The following ST7 variants were observed in gnomAD, a reference collection of about 807,000 sequenced individuals.
ST7 encodes suppressor of tumorigenicity 7 protein.
Under a neutral mutation model 78.7 loss-of-function variants are expected in ST7, and 28 were observed. That is an observed-to-expected ratio of 0.36 (90% CI 0.26 to 0.49). The LOEUF (loss-of-function observed/expected upper bound fraction) is 0.49. ST7 is among the 20% of genes least tolerant of loss of function. ST7 has a pLI of 0.99. For synonymous variants in ST7, 247 were observed against 249.6 expected (o/e 0.99, Z 0.10); for missense variants, 418 against 696.0 (o/e 0.60, Z 4.49).
chr7:116,981,450 C>T (rs1793955909), intron 1 of ST7, among the ~76,000 whole-genome samples: 1 of 152,076 alleles, frequency 6.6e-6, no homozygotes. Context: ...ATGTAGGTAC[C>T]CTTGGCTGTG....
chr7:117,126,356 CT>C lies in ST7; in HGVS notation c.395-3429del, dbSNP rs1265585664. Among the ~76,000 whole-genome samples the C allele has an allele frequency of 2.0e-5, 3 of 151,144 alleles. No individual in the cohort carries two copies. The South Asian group carries it at 6.3e-4, about 32-fold the overall frequency. ...ATTAAAAGCTCTGTGACTATAGAGC[CT>C]TTTTTTTGTTTGTTTTATGAGAATT... is the stretch of plus-strand genomic sequence containing the variant. On this transcript the variant is annotated intron_variant, in intron 3 of 15. Coordinates refer to ENST00000323984, the MANE Select transcript of ST7 (RefSeq NM_001369598.1).
Position 117,219,256 on chromosome 7 carries a change from G to T in ST7, c.1498+80G>T, listed in dbSNP as rs1258392762. The T allele has an allele frequency of 8.9e-7, 1 of 1,126,850 alleles. No individual in the cohort carries two copies. Among genetic ancestry groups the T allele is most frequent in the Non-Finnish European group, 1.3e-6 (1 of 771,750 alleles). 69.8% of individuals were successfully genotyped at this position (1,126,850 alleles called of 1,614,324 possible). A position where few individuals can be genotyped will look rare whatever the true frequency, so the allele number is the denominator to read the frequency against. On this transcript the variant is annotated intron_variant, in intron 14 of 15. Transcript: ENST00000323984. This position sits in a 1 kb window ranked among gnomAD's most constrained non-coding sequence, Gnocchi z 5.1. The stretch of plus-strand genomic sequence containing the variant: ...GAAGAGGTGGGAATATCAAAGTTTA[G>T]AATGCTCCTTGTCTTTTATTACTTT...
intron 1 of ST7, among the ~76,000 whole-genome samples, chr7:116,960,280 C>A (rs534886943): frequency 6.6e-6 from 1 of 152,020 alleles, no homozygotes; most frequent in Non-Finnish European, 1.5e-5. Flanking sequence ...ACCTCTGCCT[C>A]CTGGGTTCAG....
chr7:116,980,123 G>A (rs933457444), intron 1 of ST7, among the ~76,000 whole-genome samples: 31 of 151,496 alleles, frequency 2.0e-4, no homozygotes, highest in African/African-American at 5.3e-4. Context: ...AACTCCCGGC[G>A]AATTTTTGCA....
chr7:117,130,412 A>T, intron 4 of ST7, 79 bp from the exon 5 acceptor site: 1 of 1,008,736 alleles, frequency 9.9e-7, no homozygotes, highest in Non-Finnish European at 1.5e-6. Flanking sequence ...CTATATTTCA[A>T]CGCCTCTGCA....
At chr7:117,134,971 G>A (rs1804665566) in intron 7 of ST7, among the ~76,000 whole-genome samples, 1 of 152,056 alleles carries the variant, frequency 6.6e-6, no homozygotes, top group Non-Finnish European at 1.5e-5. Flanking sequence ...GTGAAGTTCA[G>A]CCTCCTTTTC....
At chr7:117,008,901 G>A (rs188893625) in intron 1 of ST7, among the ~76,000 whole-genome samples, 48 of 152,082 alleles carry the variant, frequency 3.2e-4, no homozygotes, top group Admixed American at 2.9e-3. Flanking sequence ...TTTTTAAATC[G>A]CTGAAAAATT....
intron 10 of ST7, among the ~76,000 whole-genome samples, chr7:117,183,905 C>G (rs889386039): frequency 6.6e-6 from 1 of 152,206 alleles, no homozygotes; most frequent in Non-Finnish European, 1.5e-5. Flanking sequence ...CAATGAAATA[C>G]TACTCAGCAA....
intron 3 of ST7, among the ~76,000 whole-genome samples, chr7:117,124,564 G>A (rs1803671052): frequency 6.6e-6 from 1 of 152,118 alleles, no homozygotes; most frequent in Admixed American, 6.5e-5. Context: ...TACTGCAGTG[G>A]ATGACATTAT....
At chr7:117,040,397 C>T (rs1277775067) in intron 1 of ST7, among the ~76,000 whole-genome samples, 3 of 152,010 alleles carry the variant, frequency 2.0e-5, no homozygotes, top group African/African-American at 7.3e-5. Flanking sequence ...TAGAAACATT[C>T]ACTAAATTTT....
chr7:117,183,402 G>A (rs930091517), intron 10 of ST7, among the ~76,000 whole-genome samples: 1 of 151,534 alleles, frequency 6.6e-6, no homozygotes, highest in African/African-American at 2.4e-5. Context: ...TCCAGCCTGG[G>A]TGATAGAGCA....
At chr7:116,988,707 A>T (rs1176131417) in intron 1 of ST7, among the ~76,000 whole-genome samples, 1 of 152,202 alleles carries the variant, frequency 6.6e-6, no homozygotes, top group African/African-American at 2.4e-5. Flanking sequence ...TGGAAGCATA[A>T]ATCATAATCT....
At chr7:117,050,373 G>A (rs1296453115) in intron 1 of ST7, among the ~76,000 whole-genome samples, 1 of 152,176 alleles carries the variant, frequency 6.6e-6, no homozygotes. Context: ...CATCTCAATA[G>A]CAACAGAAGT....
chr7:117,196,624 C>CTTTTTTT (rs56133709), intron 12 of ST7, among the ~76,000 whole-genome samples: 22 of 59,520 alleles, frequency 3.7e-4, no homozygotes, highest in African/African-American at 9.1e-4. Context: ...GATTGTTGGG[C>CTTTTTTT]TTTTTTTTTT....
At chr7:117,174,317 C>T (rs1443614029) in intron 10 of ST7, among the ~76,000 whole-genome samples, 1 of 152,186 alleles carries the variant, frequency 6.6e-6, no homozygotes, top group Non-Finnish European at 1.5e-5. Context: ...GCAGCAACAG[C>T]TAGCATTTAT....
At chr7:117,107,603 C>G (rs1284773031) in intron 2 of ST7, among the ~76,000 whole-genome samples, 1 of 73,582 alleles carries the variant, frequency 1.4e-5, no homozygotes. Flanking sequence ...TAGCCCACTT[C>G]TTTTTTTTTT....
intron 9 of ST7, among the ~76,000 whole-genome samples, chr7:117,142,894 GC>G (rs1261673284): frequency 3.3e-5 from 5 of 152,194 alleles, no homozygotes; most frequent in Admixed American, 2.0e-4. Flanking sequence ...ACAGGCATGA[GC>G]CACTGTGCCT....
intron 2 of ST7, 42 bp downstream of exon 2, chr7:117,099,886 G>A: frequency 6.8e-7 from 1 of 1,464,930 alleles, no homozygotes; most frequent in Non-Finnish European, 9.5e-7. Context: ...ATGCTGATTA[G>A]TAATATGTGT....
At chr7:116,980,104 AC>A (rs1393152989) in intron 1 of ST7, among the ~76,000 whole-genome samples, 1 of 151,348 alleles carries the variant, frequency 6.6e-6, no homozygotes, top group East Asian at 1.9e-4. Context: ...GATTACAGGT[AC>A]CCATCACAAC....
Sources: gnomAD v4.1 joint callset for allele counts (sites outside exome capture counted in the v4.1 genomes callset) on GRCh38, gnomAD v4.1.1 for gene constraint, Gnocchi (gnomAD v3.1) non-coding constraint, MANE v1.5 for transcripts, NCBI Gene and HGNC (gene_info 2026-07-23, HGNC 2026-07-21) for gene names.